The following PUM1 variants were observed in gnomAD, a reference collection of about 807,000 sequenced individuals.
The protein encoded by PUM1 is pumilio homolog 1.
A neutral mutation model predicts 131.8 loss-of-function variants in PUM1; 13 were observed. That is an observed-to-expected ratio of 0.10 (90% CI 0.06 to 0.16). The LOEUF is 0.16. PUM1 is among the 10% of genes least tolerant of loss of function. The probability of loss-of-function intolerance (pLI) is 1.00; values close to 1 mark genes in which losing one functional copy is unlikely to be tolerated. For missense variants in PUM1, 961 were observed against 1,512.4 expected (o/e 0.64, Z 6.05); for synonymous variants, 509 against 556.5 (o/e 0.91, Z 1.20).
intron 5 of PUM1, among the ~76,000 whole-genome samples, chr1:30,998,351 T>C (rs915164180): frequency 1.6e-4 from 25 of 152,140 alleles, no homozygotes; most frequent in Non-Finnish European, 1.5e-5. Flanking sequence ...TAAGAGATAG[T>C]ATCAGCTGCA....
chr1:31,049,986 C>A (rs1025454643), intron 2 of PUM1, among the ~76,000 whole-genome samples: 2 of 151,522 alleles, frequency 1.3e-5, no homozygotes, highest in African/African-American at 4.8e-5. Context: ...CCCGCCAACA[C>A]ACCTGGCTAA....
chr1:31,019,085 G>A (rs750281853), intron 3 of PUM1, among the ~76,000 whole-genome samples: 28 of 152,278 alleles, frequency 1.8e-4, no homozygotes, highest in Admixed American at 4.6e-4. Flanking sequence ...GGGTGTGGTG[G>A]CTCATGCCTG....
At chr1:30,959,260 G>A (rs758781093) in intron 14 of PUM1, among the ~76,000 whole-genome samples, 22 of 152,098 alleles carry the variant, frequency 1.4e-4, no homozygotes, top group Non-Finnish European at 2.6e-4. Flanking sequence ...GGTACACTTC[G>A]AATTTCATGC....
intron 10 of PUM1, chr1:30,973,169 T>C (rs1208501817): frequency 6.5e-6 from 1 of 154,528 alleles, no homozygotes; most frequent in Non-Finnish European, 1.5e-5. Context: ...ACTGTATCTG[T>C]TGCCAAGAAA....
intron 21 of PUM1, 91 bp from the exon 22 acceptor site, chr1:30,933,433 CACACAT>C (rs1195758072): frequency 9.5e-5 from 83 of 870,462 alleles, no homozygotes; most frequent in Admixed American, 1.7e-4. Flanking sequence ...ATGCATCACA[CACACAT>C]ACACACACAC....
In PUM1 at chr1:31,065,647, G is replaced by GC. The variant is rs1160417896; in HGVS notation, c.-44dup. On this transcript the variant is annotated 5_prime_UTR_variant, in exon 1 of 22. Transcript: ENST00000426105. ...AGCGGTAGGATGAAGATGGATTTCA[G>GC]CCCCCCGATCTTCTCTCTCTGGCGC... 4.5e-6 allele frequency: 7 copies of GC among 1,549,368 alleles called. No individual in the cohort carries two copies. Among genetic ancestry groups the GC allele is most frequent in the East Asian group, 2.4e-5 (1 of 40,856 alleles).
intron 2 of PUM1, among the ~76,000 whole-genome samples, chr1:31,040,160 T>A (rs527713041): frequency 6.6e-6 from 1 of 152,248 alleles, no homozygotes; most frequent in Non-Finnish European, 1.5e-5. Flanking sequence ...GCTCATGCGA[T>A]CCTCCCACAT....
In PUM1 at chr1:30,933,071, C is replaced by T; in HGVS notation, c.*140G>A. On this transcript the variant is annotated 3_prime_UTR_variant, in exon 22 of 22. Transcript: ENST00000426105. Reference sequence around the variant, plus strand: ...GCTTTTCCACTCGTGGATTTGATTCCTTTTTTGGAGGAGGGAGTAATCCTG... The same window carrying T: ...GCTTTTCCACTCGTGGATTTGATTCTTTTTTTGGAGGAGGGAGTAATCCTG... 3.7e-6 allele frequency: 4 copies of T among 1,081,330 alleles called. No homozygotes were observed. Among genetic ancestry groups the T allele is most frequent in the East Asian group, 2.7e-5 (1 of 37,322 alleles). 67.0% of individuals were successfully genotyped at this position (1,081,330 alleles called of 1,614,324 possible).
chr1:31,047,660 T>G (rs1261506138), intron 2 of PUM1, among the ~76,000 whole-genome samples: 1 of 152,192 alleles, frequency 6.6e-6, no homozygotes, highest in African/African-American at 2.4e-5. Flanking sequence ...AACATCCCAC[T>G]GGCTGGGCAT....
rs2124009209 is a variant in PUM1, at chr1:31,059,584, A to G, written c.-11-7T>C. ...ACGCTCATTCCACCAACACCTAAGGACAAACAGGTTACAAATATTTAATAT... is the reference window on the plus strand; with the variant it reads ...ACGCTCATTCCACCAACACCTAAGGGCAAACAGGTTACAAATATTTAATAT... On this transcript the variant is annotated splice_region_variant and splice_polypyrimidine_tract_variant and intron_variant, in intron 1 of 21. Transcript: ENST00000426105. The G allele has an allele frequency of 6.3e-7, 1 of 1,578,490 alleles. No individual in the cohort carries two copies. The highest frequency in any genetic ancestry group is 2.2e-5 in the East Asian group (1 of 44,490).
At chr1:31,062,740 A>C (rs1220896044) in intron 1 of PUM1, among the ~76,000 whole-genome samples, 1 of 152,144 alleles carries the variant, frequency 6.6e-6, no homozygotes, top group Admixed American at 6.6e-5. Flanking sequence ...CAAATGCTTT[A>C]TCTCTTCTCC....
At chr1:31,002,877 A>C (rs953230154) in intron 5 of PUM1, among the ~76,000 whole-genome samples, 4 of 152,222 alleles carry the variant, frequency 2.6e-5, no homozygotes, top group African/African-American at 7.2e-5. Context: ...CCATTTGTAC[A>C]ATCAAAATGA....
At chr1:30,941,114 C>T (rs1639424811) in intron 20 of PUM1, 37 bp downstream of exon 20, 2 of 1,585,702 alleles carry the variant, frequency 1.3e-6, no homozygotes, top group Admixed American at 3.4e-5. Flanking sequence ...CTAATCCTCT[C>T]TTCTGGGAAA....
At position 30,950,132 on chromosome 1, in the gene PUM1, C is replaced by A. The variant is rs781368928; in HGVS notation, c.2851G>T (p.Val951Leu). The change falls in exon 17 of 22, where the codon GTA becomes TTA. Residue 951 changes from valine to leucine, a missense_variant. Physicochemically the swap from Val to Leu is conservative, Grantham distance 32. Around this residue, in one of 4 missense-constraint regions of PUM1, gnomAD observed 178 missense variants for 327.5 expected, o/e 0.54. Coordinates refer to ENST00000426105, the MANE Select transcript of PUM1 (RefSeq NM_001020658.2). ...AAGTTAAAGGGGAAACTTACAATTACCTGCTGGTCTGAAGGAATAAACTCA... is the reference window on the plus strand; with the variant it reads ...AAGTTAAAGGGGAAACTTACAATTAACTGCTGGTCTGAAGGAATAAACTCA... ...ALEFIPSDQQVINEMVRELDG... is the reference protein window; with the variant it reads ...ALEFIPSDQQLINEMVRELDG... 1 of 1,611,126 alleles carries A rather than the reference C, an allele frequency of 6.2e-7. No homozygotes were observed. Among genetic ancestry groups the A allele is most frequent in the Non-Finnish European group, 8.5e-7 (1 of 1,178,606 alleles).
At chr1:30,972,284 A>G (rs372425304) in intron 10 of PUM1, among the ~76,000 whole-genome samples, 1,462 of 2,790 alleles carry the variant, frequency 0.52, 173 homozygotes, top group Non-Finnish European at 0.53. Flanking sequence ...AAGGGAAGGG[A>G]AGGGGAGGGG....
At chr1:30,973,250 T>C (rs572109430) in intron 10 of PUM1, among the ~76,000 whole-genome samples, 109 of 116,688 alleles carry the variant, frequency 9.3e-4, no homozygotes, top group Non-Finnish European at 1.6e-3. Context: ...TTGTGTGGAA[T>C]CTAAAAAAAA....
intron 18 of PUM1, among the ~76,000 whole-genome samples, chr1:30,944,781 T>G (rs1639599653): frequency 6.6e-6 from 1 of 152,214 alleles, no homozygotes; most frequent in South Asian, 2.1e-4. Flanking sequence ...ATTCTTCAAA[T>G]ATGAGATTTC....
At chr1:31,055,457 C>T (rs1006565511) in intron 2 of PUM1, 6 of 454,132 alleles carry the variant, frequency 1.3e-5, no homozygotes, top group Non-Finnish European at 2.2e-5. Context: ...ACACTAAAAC[C>T]AGTACAATAC....
At chr1:31,030,851 C>T (rs1408098416) in intron 2 of PUM1, among the ~76,000 whole-genome samples, 2 of 152,274 alleles carry the variant, frequency 1.3e-5, no homozygotes, top group East Asian at 3.9e-4. Context: ...AACGCACAGC[C>T]AATACTATGC....
Sources: gnomAD v4.1 joint callset for allele counts (sites outside exome capture counted in the v4.1 genomes callset) on GRCh38, gnomAD v4.1.1 for gene constraint, gnomAD v4.1.1 regional missense constraint, MANE v1.5 for transcripts, NCBI Gene and HGNC (gene_info 2026-07-23, HGNC 2026-07-21) for gene names.